Variants in GATA3 observed in about 807,000 individuals in gnomAD.
GATA3 encodes trans-acting T-cell-specific transcription factor GATA-3.
GATA3 carries 6 observed loss-of-function variants against 36.0 expected under a neutral mutation model. That is an observed-to-expected ratio of 0.17 (90% CI 0.09 to 0.33). The LOEUF is 0.33. Among genes scored for constraint, GATA3 ranks in the 10% least tolerant of loss-of-function variants. The pLI is 1.00. For missense variants in GATA3, 514 were observed against 610.1 expected, an observed-to-expected ratio of 0.84 and a Z score of 1.66; for synonymous variants, 326 against 273.0, an observed-to-expected ratio of 1.19 and a Z score of -1.92.
In GATA3 at chr10:8,055,739, C is replaced by T. The variant is rs2131482581; in HGVS notation, c.84C>T (p.His28=). 2 of 1,576,042 alleles carry T rather than the reference C, an allele frequency of 1.3e-6. No homozygotes were observed. The highest frequency in any genetic ancestry group is 8.6e-7 in the Non-Finnish European group (1 of 1,160,984). ...ACGGGCAGCACCCGGACACGCACCA[C>T]CCGGGCCTCAGCCACTCCTACATGG... is the stretch of plus-strand genomic sequence containing the variant. ...VLNGQHPDTH[H]PGLSHSYMDA... The change falls in exon 2 of 6, where the codon CAC becomes CAT. Residue 28 remains histidine (H), a synonymous_variant. Coordinates refer to ENST00000379328, the MANE Select transcript of GATA3 (RefSeq NM_001002295.2). This position sits in a 1 kb window ranked among gnomAD's most constrained non-coding sequence, Gnocchi z 5.4.
At chr10:8,066,710 A>G (rs1832849703) in intron 4 of GATA3, among the ~76,000 whole-genome samples, 1 of 152,156 alleles carries the variant, frequency 6.6e-6, no homozygotes. Context: ...TCCCCCTGGC[A>G]TTGCCAGGAT....
At position 8,073,912 on chromosome 10, in the gene GATA3, G is replaced by C. The variant is rs144824106; in HGVS notation, c.1224G>C (p.Ser408=). The change falls in exon 6 of 6, where the codon TCG becomes TCC. Residue 408 remains serine (S), a synonymous_variant. Transcript: ENST00000379328. ...SRHMSSLSHI[S]PFSHSSHMLT... ...ACATGTCCTCCCTGAGCCACATCTC[G>C]CCCTTCAGCCACTCCAGCCACATGC... 4 of 1,613,938 alleles carry C rather than the reference G, an allele frequency of 2.5e-6. No homozygotes were observed. Among genetic ancestry groups the C allele is most frequent in the Non-Finnish European group, 3.4e-6 (4 of 1,179,980 alleles).
chr10:8,055,263 G>C lies in GATA3; in HGVS notation c.-369-24G>C. On this transcript the variant is annotated intron_variant, in intron 1 of 5. Coordinates refer to ENST00000379328, the MANE Select transcript of GATA3 (RefSeq NM_001002295.2). The surrounding 1 kb of genome is among the most constrained non-coding windows in gnomAD (Gnocchi z 5.4). Reference sequence around the variant, plus strand: ...CTCCAGCAACTCAGGGGCTCATCCAGGTCTCCCATTCTCTCCCTTGCAGGT... The same window carrying C: ...CTCCAGCAACTCAGGGGCTCATCCACGTCTCCCATTCTCTCCCTTGCAGGT... The C allele has an allele frequency of 2.8e-6, 1 of 360,904 alleles. No homozygotes were observed. Among genetic ancestry groups the C allele is most frequent in the South Asian group, 3.4e-5 (1 of 29,792 alleles). The allele number at this position is 360,904 out of a possible 1,614,324, so 22.4% of individuals were successfully genotyped here.
chr10:8,058,962 C>G, intron 3 of GATA3, 121 bp downstream of exon 3: 1 of 821,056 alleles, frequency 1.2e-6, no homozygotes, highest in South Asian at 1.7e-5. Context: ...GCTGAGATGC[C>G]ATTCTTCCCA....
At chr10:8,071,980 G>A (rs1832938092) in intron 5 of GATA3, among the ~76,000 whole-genome samples, 3 of 152,172 alleles carry the variant, frequency 2.0e-5, no homozygotes, top group African/African-American at 7.2e-5. Flanking sequence ...TTATCTTGGT[G>A]AAGATTTGAT....
At chr10:8,061,820 C>A (rs985965076) in intron 3 of GATA3, among the ~76,000 whole-genome samples, 1 of 152,182 alleles carries the variant, frequency 6.6e-6, no homozygotes, top group Non-Finnish European at 1.5e-5. Flanking sequence ...CCCCCAGCAC[C>A]AGGGTGCCCA....
rs749708566 is a variant in GATA3, at chr10:8,058,791, C to T, written c.728C>T (p.Ser243Phe). The change falls in exon 3 of 6, where the codon TCC becomes TTC. Residue 243 changes from serine (S) to phenylalanine (F), a missense_variant. By Grantham distance (155) the Ser-to-Phe change is radical. Around this residue, in one of 3 missense-constraint regions of GATA3, gnomAD observed 381 missense variants for 354.3 expected, o/e 1.08. Coordinates refer to ENST00000379328, the MANE Select transcript of GATA3 (RefSeq NM_001002295.2). ...CCCCCCAGCAGCCTGCTGGGCGGCT[C>T]CCCCACCGGCTTCGGATGCAAGTCC... ...LFPPSSLLGG[S>F]PTGFGCKSRP... The T allele has an allele frequency of 1.2e-6, 2 of 1,608,556 alleles. No individual in the cohort carries two copies. The highest frequency in any genetic ancestry group is 8.5e-7 in the Non-Finnish European group (1 of 1,179,746).
chr10:8,064,157 A>G lies in GATA3; in HGVS notation c.924+19A>G, dbSNP rs752065457. On this transcript the variant is annotated intron_variant, in intron 4 of 5. Coordinates refer to ENST00000379328, the MANE Select transcript of GATA3 (RefSeq NM_001002295.2). Reference sequence around the variant, plus strand: ...AAGGCTGGTAAGTTCTCGGGAAGGGATGGATTCCATGCTGACCATTCTGGG... The same window carrying G: ...AAGGCTGGTAAGTTCTCGGGAAGGGGTGGATTCCATGCTGACCATTCTGGG... 6.2e-7 allele frequency: 1 copy of G among 1,613,944 alleles called. No homozygotes were observed. Among genetic ancestry groups the G allele is most frequent in the Non-Finnish European group, 8.5e-7 (1 of 1,179,966 alleles).
upstream of GATA3, chr10:8,052,547 A>T (rs888278425): frequency 2.6e-5 from 4 of 152,218 alleles, no homozygotes; most frequent in African/African-American, 9.6e-5. Context: ...TTTTGGTCTT[A>T]CGCGTGGCTG....
chr10:8,057,779 G>A (rs1046922193), intron 2 of GATA3, among the ~76,000 whole-genome samples: 1 of 152,142 alleles, frequency 6.6e-6, no homozygotes, highest in African/African-American at 2.4e-5. Flanking sequence ...CTGGGAGCTG[G>A]GCCTGACTCC....
intron 2 of GATA3, 88 bp from the exon 3 acceptor site, chr10:8,058,217 G>C: frequency 1.4e-6 from 2 of 1,438,888 alleles, no homozygotes; most frequent in Non-Finnish European, 1.9e-6. Flanking sequence ...GCCGATGCGA[G>C]GTAGAGATTC....
intron 3 of GATA3, among the ~76,000 whole-genome samples, chr10:8,062,142 T>C (rs1457855371): frequency 6.6e-6 from 1 of 152,220 alleles, no homozygotes; most frequent in Non-Finnish European, 1.5e-5. Context: ...CTCAGGCTTT[T>C]GACCCCAACT....
At chr10:8,051,231 T>C, upstream of GATA3, 1 of 406,622 alleles carries the variant, frequency 2.5e-6, no homozygotes, top group Non-Finnish European at 5.2e-6. Flanking sequence ...GTGGAGAAAG[T>C]CCGGCTCCAT....
chr10:8,058,498 C>A lies in GATA3; in HGVS notation c.435C>A (p.His145Gln). ...CGTCCTCCTCCTTGTCGGGGGGCCA[C>A]GCCAGCCCGCACCTCTTCACCTTCC... is the stretch of plus-strand genomic sequence containing the variant. ...PASSSSLSGG[H>Q]ASPHLFTFPP... The change falls in exon 3 of 6, where the codon CAC becomes CAA. Residue 145 changes from histidine to glutamine, a missense_variant. Physicochemically the swap from His to Gln is conservative, Grantham distance 24. Around this residue, in one of 3 missense-constraint regions of GATA3, gnomAD observed 381 missense variants for 354.3 expected, o/e 1.08. Transcript: ENST00000379328. 1.2e-6 allele frequency: 2 copies of A among 1,612,214 alleles called. No individual in the cohort carries two copies. Among genetic ancestry groups the A allele is most frequent in the Non-Finnish European group, 8.5e-7 (1 of 1,179,736 alleles).
chr10:8,064,973 C>A (rs749003508), intron 4 of GATA3, among the ~76,000 whole-genome samples: 8 of 152,270 alleles, frequency 5.3e-5, no homozygotes, highest in Admixed American at 2.0e-4. Flanking sequence ...GCAAGCTCCT[C>A]TTTGGAAGTT....
chr10:8,069,400 C>A (rs1832895421), intron 4 of GATA3, 73 bp from the exon 5 acceptor site: 1 of 1,394,034 alleles, frequency 7.2e-7, no homozygotes, highest in Non-Finnish European at 1.0e-6. Context: ...TTTTTTCAAG[C>A]CTGTCTTCAT....
intron 3 of GATA3, among the ~76,000 whole-genome samples, chr10:8,062,023 C>T (rs386680): frequency 4.0e-5 from 6 of 151,864 alleles, no homozygotes; most frequent in Middle Eastern, 3.4e-3. Flanking sequence ...CAGCCACCAG[C>T]GACACAAAAA....
chr10:8,051,069 C>T (rs775650275), upstream of GATA3: 3 of 529,816 alleles, frequency 5.7e-6, no homozygotes, highest in Admixed American at 3.9e-5. Flanking sequence ...AGCCGCGCCT[C>T]CGCTCTGCGC....
At chr10:8,058,934 C>A (rs371364728) in intron 3 of GATA3, 93 bp downstream of exon 3, 1 of 1,212,610 alleles carries the variant, frequency 8.2e-7, no homozygotes, top group South Asian at 1.3e-5. Context: ...TCAGGGGAGC[C>A]GGGGTGTCCC....
Sources: gnomAD v4.1 joint callset for allele counts (sites outside exome capture counted in the v4.1 genomes callset) on GRCh38, gnomAD v4.1.1 for gene constraint, gnomAD v4.1.1 regional missense constraint, Gnocchi (gnomAD v3.1) non-coding constraint, MANE v1.5 for transcripts, NCBI Gene and HGNC (gene_info 2026-07-23, HGNC 2026-07-21) for gene names.